The following HTT variants were observed in gnomAD, a reference collection of about 807,000 sequenced individuals.
The protein encoded by HTT is huntington disease protein.
In HTT, 104 loss-of-function variants were observed where a neutral mutation model predicts 362.3. The observed-to-expected ratio is 0.29, with a 90% CI of 0.24 to 0.34. HTT has a LOEUF of 0.34. Ranked by LOEUF, HTT falls within the 10% of genes least tolerant of loss-of-function variation. The pLI is 1.00. For synonymous variants in HTT, 1,577 were observed against 1,548.7 expected (o/e 1.02, Z -0.43); for missense variants, 3,301 against 3,928.6 (o/e 0.84, Z 4.27).
rs73088132 is a variant in HTT, at chr4:3,103,968, T to C, written c.528+85T>C. On this transcript the variant is annotated intron_variant, in intron 4 of 66. Transcript: ENST00000355072. The stretch of plus-strand genomic sequence containing the variant: ...TATTTTGTAGGTACATGTAAATGTA[T>C]ATATTTATGGGGTACATGAGATATT... 3.4e-3 allele frequency: 2,620 copies of C among 775,146 alleles called. 52 individuals are homozygous for C. The African/African-American group carries it at 0.04, about 12-fold the overall frequency. The allele number at this position is 775,146 out of a possible 1,614,324, so 48.0% of individuals were successfully genotyped here.
chr4:3,167,951 C>G (rs540616593), intron 29 of HTT, among the ~76,000 whole-genome samples: 1 of 152,026 alleles, frequency 6.6e-6, no homozygotes, highest in Admixed American at 6.6e-5. Context: ...AGACAGAGGC[C>G]CATTTTAGCT....
rs1276350475 is a variant in HTT, at chr4:3,074,849, G to C, written c.24G>C (p.Met8Ile). MATLEKL[M>I]KAFESLKSFQ... is the part of the protein sequence containing the mutation. ...CCATGGCGACCCTGGAAAAGCTGAT[G>C]AAGGCCTTCGAGTCCCTCAAGTCCT... Residue 8 changes from methionine (M) to isoleucine (I), a missense_variant, in exon 1 of 67, where the codon ATG becomes ATC. Met to Ile is a conservative substitution (Grantham distance 10, BLOSUM62 1). Coordinates refer to ENST00000355072, the MANE Select transcript of HTT (RefSeq NM_001388492.1). 1 of 1,512,530 alleles carries C rather than the reference G, an allele frequency of 6.6e-7. No individual in the cohort carries two copies. The highest frequency in any genetic ancestry group is 1.4e-5 in the African/African-American group (1 of 70,382). 93.7% of individuals were successfully genotyped at this position (1,512,530 alleles called of 1,614,324 possible). A position where few individuals can be genotyped will look rare whatever the true frequency, so the allele number is the denominator to read the frequency against.
At chr4:3,101,424 T>G (rs938518516) in intron 3 of HTT, among the ~76,000 whole-genome samples, 2 of 152,224 alleles carry the variant, frequency 1.3e-5, no homozygotes, top group Non-Finnish European at 2.9e-5. Context: ...CTTCCTCAGA[T>G]GCTGTAGTTG....
intron 6 of HTT, chr4:3,112,892 G>A (rs755586347): frequency 1.9e-5 from 4 of 214,958 alleles, no homozygotes; most frequent in Non-Finnish European, 2.4e-5. Flanking sequence ...AGGAGCTCTG[G>A]TCCTCGCTAG....
At chr4:3,119,436 G>GAAA (rs1174388038) in intron 8 of HTT, among the ~76,000 whole-genome samples, 1 of 152,186 alleles carries the variant, frequency 6.6e-6, no homozygotes, top group Non-Finnish European at 1.5e-5. Context: ...CAAATGACAT[G>GAAA]GAGTAGTACT....
chr4:3,105,555 C>T (rs1254592112), intron 5 of HTT, 119 bp downstream of exon 5: 1 of 717,704 alleles, frequency 1.4e-6, no homozygotes, highest in Non-Finnish European at 2.5e-6. Flanking sequence ...TGCAGTCGAC[C>T]TTGCCCTGTT....
rs529146953 is a variant in HTT at position 3,177,230 on chromosome 4, G to T, written c.4408-102G>T. 19 of 784,626 alleles carry T rather than the reference G, an allele frequency of 2.4e-5. No homozygotes were observed. The African/African-American group carries it at 2.8e-4, about 12-fold the overall frequency. The allele number at this position is 784,626 out of a possible 1,614,324, so 48.6% of individuals were successfully genotyped here. A position where few individuals can be genotyped will look rare whatever the true frequency, so the allele number is the denominator to read the frequency against. On this transcript the variant is annotated intron_variant, in intron 33 of 66. Transcript: ENST00000355072. Reference sequence around the variant, plus strand: ...TATAGTCAAATTTATCAGCTGTCAAGAATTTTATTTAAAATTTATGCAGAT... The same window carrying T: ...TATAGTCAAATTTATCAGCTGTCAATAATTTTATTTAAAATTTATGCAGAT...
chr4:3,133,265 C>G (rs1670104067), intron 18 of HTT, among the ~76,000 whole-genome samples: 1 of 150,672 alleles, frequency 6.6e-6, no homozygotes, highest in Non-Finnish European at 1.5e-5. Flanking sequence ...GGAAGGATTG[C>G]TTGAGCCCAG....
intron 18 of HTT, 49 bp downstream of exon 18, chr4:3,132,960 A>T: frequency 7.6e-7 from 1 of 1,314,534 alleles, no homozygotes; most frequent in South Asian, 1.2e-5. Context: ...TGGACATTTT[A>T]TCATTGCTAC....
intron 28 of HTT, among the ~76,000 whole-genome samples, chr4:3,159,682 G>A (rs1717343235): frequency 6.6e-6 from 1 of 152,178 alleles, no homozygotes; most frequent in Non-Finnish European, 1.5e-5. Context: ...CTTTTCTGAG[G>A]CAGTGTTTTA....
chr4:3,093,204 A>AG (rs1713610975), intron 2 of HTT, among the ~76,000 whole-genome samples: 1 of 152,166 alleles, frequency 6.6e-6, no homozygotes, highest in South Asian at 2.1e-4. Context: ...AAGGATTAGA[A>AG]GGAACAGTTG....
chr4:3,177,955 C>T (rs981199812), intron 34 of HTT, among the ~76,000 whole-genome samples: 1 of 152,166 alleles, frequency 6.6e-6, no homozygotes, highest in Admixed American at 6.5e-5. Flanking sequence ...AATTACATGA[C>T]ACCTCCACTG....
intron 52 of HTT, among the ~76,000 whole-genome samples, chr4:3,219,821 G>A (rs1323240562): frequency 6.6e-6 from 1 of 152,176 alleles, no homozygotes; most frequent in Admixed American, 6.5e-5. Context: ...AAACATATCT[G>A]AGCTGAACCT....
intron 11 of HTT, among the ~76,000 whole-genome samples, chr4:3,126,344 G>C (rs1156999533): frequency 1.3e-5 from 2 of 152,176 alleles, no homozygotes; most frequent in Non-Finnish European, 2.9e-5. Flanking sequence ...GTGAGCCACT[G>C]TGCCCGGCCA....
At chr4:3,130,566 G>A in intron 14 of HTT, 143 bp downstream of exon 14, 1 of 564,330 alleles carries the variant, frequency 1.8e-6, no homozygotes, top group Non-Finnish European at 3.2e-6. Context: ...TCCCAGGCCT[G>A]TTGTTTTCTG....
rs990752570 is a variant in HTT, at chr4:3,218,351, T to C, written c.7242+399T>C. ...AGAATTGGTTTAAAGTAGGTGTTAT[T>C]GCCAGGCGCAGTAGCTCATGCCTGT... On this transcript the variant is annotated intron_variant, in intron 52 of 66. Coordinates refer to ENST00000355072, the MANE Select transcript of HTT (RefSeq NM_001388492.1). The surrounding 1 kb of genome is among the most constrained non-coding windows in gnomAD (Gnocchi z 4.4). 3.2e-4 allele frequency among the ~76,000 whole-genome samples: 48 copies of C among 152,168 alleles called. No homozygotes were observed. The highest frequency in any genetic ancestry group is 3.1e-3 in the Admixed American group (48 of 15,270).
chr4:3,206,887 G>A lies in HTT; in HGVS notation c.5979G>A (p.Val1993=). Residue 1993 remains valine (V), a synonymous_variant, in exon 44 of 67, where the codon GTG becomes GTA. Coordinates refer to ENST00000355072, the MANE Select transcript of HTT (RefSeq NM_001388492.1). The surrounding 1 kb of genome is among the most constrained non-coding windows in gnomAD (Gnocchi z 4.6). ...SQSGAVLTLY[V]DRLLCTPFRV... ...CGGGAGCTGTGCTCACGCTGTATGT[G>A]GACAGGCTTCTGTGCACCCCTTTCC... 1 of 1,614,188 alleles carries A rather than the reference G, an allele frequency of 6.2e-7. No homozygotes were observed. Among genetic ancestry groups the A allele is most frequent in the Non-Finnish European group, 8.5e-7 (1 of 1,180,016 alleles).
rs1721522071 is a variant in HTT at position 3,236,194 on chromosome 4, C to T, written c.8831C>T (p.Ala2944Val). Residue 2944 changes from alanine to valine, a missense_variant, in exon 64 of 67, where the codon GCA (alanine) becomes GTA (valine). Ala to Val is a moderately conservative substitution (Grantham distance 64). Transcript: ENST00000355072. Reference protein sequence around the residue: ...SPGRTSDPNPAAPDSESVIVA... With the variant: ...SPGRTSDPNPVAPDSESVIVA... ...GGTAGAACTTCAGACCCTAATCCTG[C>T]AGCCCCCGACAGCGAGTCAGTGATT... 6.2e-7 allele frequency: 1 copy of T among 1,614,132 alleles called. No homozygotes were observed. The highest frequency in any genetic ancestry group is 8.5e-7 in the Non-Finnish European group (1 of 1,179,942).
At chr4:3,194,003 C>T (rs1417294775) in intron 40 of HTT, among the ~76,000 whole-genome samples, 3 of 152,132 alleles carry the variant, frequency 2.0e-5, no homozygotes, top group African/African-American at 7.2e-5. Flanking sequence ...TTGAAAGACA[C>T]TAGGTGGCAG....
Sources: allele counts gnomAD v4.1 joint callset (sites outside exome capture counted in the v4.1 genomes callset), GRCh38; gene constraint gnomAD v4.1.1; non-coding constraint Gnocchi (gnomAD v3.1); transcripts MANE v1.5; gene names NCBI Gene and HGNC (gene_info 2026-07-23, HGNC 2026-07-21).